Variants in ATF6 observed in about 807,000 individuals in gnomAD.
ATF6 encodes the protein activating transcription factor 6, also known as cyclic AMP-dependent transcription factor ATF-6 alpha.
Under a neutral mutation model 83.6 loss-of-function variants are expected in ATF6, and 53 were observed. The observed-to-expected ratio is 0.63, with a 90% CI of 0.51 to 0.80. The LOEUF (loss-of-function observed/expected upper bound fraction) is 0.80, where lower values mean the gene tolerates loss of function less well. Among genes scored for constraint, ATF6 ranks in the 30% least tolerant of loss-of-function variants. The pLI, the probability that ATF6 is intolerant of heterozygous loss-of-function variation, is 0.00. For missense variants in ATF6, 744 were observed against 797.9 expected (o/e 0.93, Z 0.81); for synonymous variants, 288 against 285.8 (o/e 1.01, Z -0.08).
intron 14 of ATF6, among the ~76,000 whole-genome samples, chr1:161,903,672 T>A (rs958194517): frequency 2.0e-5 from 3 of 152,124 alleles, no homozygotes; most frequent in Non-Finnish European, 4.4e-5. Flanking sequence ...TTATAAACAA[T>A]CGGTGCAATA....
At chr1:161,930,402 T>A (rs1031901015) in intron 15 of ATF6, among the ~76,000 whole-genome samples, 3 of 152,256 alleles carry the variant, frequency 2.0e-5, no homozygotes, top group Non-Finnish European at 2.9e-5. Context: ...TTCAGTGATC[T>A]ATTTTTTAGA....
chr1:161,768,682 G>A (rs1237597716), intron 1 of ATF6, among the ~76,000 whole-genome samples: 1 of 152,088 alleles, frequency 6.6e-6, no homozygotes. Flanking sequence ...TTCCATCTGA[G>A]CCTCCTGAGT....
chr1:161,842,502 G>GTA (rs10645413), intron 9 of ATF6, among the ~76,000 whole-genome samples: 21,491 of 151,974 alleles, frequency 0.14, 2,075 homozygotes, highest in East Asian at 0.31. Flanking sequence ...AGAAACTGTG[G>GTA]TATATATATA....
At chr1:161,781,334 A>T (rs1684631428) in intron 2 of ATF6, among the ~76,000 whole-genome samples, 1 of 152,154 alleles carries the variant, frequency 6.6e-6, no homozygotes, top group Non-Finnish European at 1.5e-5. Flanking sequence ...GATTCATAAA[A>T]GTTTTAGAAA....
At chr1:161,922,809 T>TA (rs1030550491) in intron 15 of ATF6, among the ~76,000 whole-genome samples, 1 of 151,990 alleles carries the variant, frequency 6.6e-6, no homozygotes, top group African/African-American at 2.4e-5. Flanking sequence ...GAAGGAATGA[T>TA]ACGAGATCAG....
At chr1:161,828,582 A>G (rs1036036860) in intron 9 of ATF6, among the ~76,000 whole-genome samples, 1 of 152,192 alleles carries the variant, frequency 6.6e-6, no homozygotes, top group African/African-American at 2.4e-5. Flanking sequence ...TTGCCAAAAG[A>G]GGGGAACAAA....
At chr1:161,886,845 A>T (rs1687432213) in intron 14 of ATF6, among the ~76,000 whole-genome samples, 1 of 152,254 alleles carries the variant, frequency 6.6e-6, no homozygotes, top group Non-Finnish European at 1.5e-5. Context: ...ACTTAACCAC[A>T]GTCCTGTATT....
In ATF6 at chr1:161,846,599, A is replaced by G. The variant is rs767426590; in HGVS notation, c.1319+19A>G. ...GCTACAGGTAAGATGGCATGCATCT[A>G]TCTTTTGGCCTAAGTGATTTAATGA... On this transcript the variant is annotated intron_variant, in intron 10 of 15. Transcript: ENST00000367942. 5.0e-6 allele frequency: 8 copies of G among 1,588,112 alleles called. No homozygotes were observed. Among genetic ancestry groups the G allele is most frequent in the Admixed American group, 1.8e-5 (1 of 56,208 alleles).
rs1392489056 is a variant in ATF6, at chr1:161,860,315, A to G, written c.1604+38A>G. ...AGAAGCTCTTGGCCAAGGAATTTAA[A>G]ATAGCTGGTATTTTAAGAAAGTTGA... On this transcript the variant is annotated intron_variant, in intron 13 of 15. Transcript: ENST00000367942. The G allele has an allele frequency of 6.3e-6, 9 of 1,430,182 alleles. No individual in the cohort carries two copies. In the Admixed American group the frequency reaches 1.4e-4, roughly 22 times the overall value. 88.6% of individuals were successfully genotyped at this position (1,430,182 alleles called of 1,614,324 possible). A position where few individuals can be genotyped will look rare whatever the true frequency, so the allele number is the denominator to read the frequency against.
intron 14 of ATF6, 71 bp from the exon 15 acceptor site, chr1:161,912,225 G>A: frequency 1.1e-6 from 1 of 938,738 alleles, no homozygotes; most frequent in South Asian, 2.0e-5. Context: ...CCTCTTAGAA[G>A]CCCTGAATTT....
At chr1:161,861,813 T>A (rs1047624071) in intron 13 of ATF6, among the ~76,000 whole-genome samples, 5 of 152,178 alleles carry the variant, frequency 3.3e-5, no homozygotes, top group African/African-American at 1.2e-4. Flanking sequence ...TTTTTCATAT[T>A]TTTGTGCTTT....
At chr1:161,880,579 A>C (rs1449495496) in intron 14 of ATF6, among the ~76,000 whole-genome samples, 4 of 152,150 alleles carry the variant, frequency 2.6e-5, no homozygotes, top group African/African-American at 9.7e-5. Flanking sequence ...TTTTGAGATT[A>C]ATCCATGGTG....
At chr1:161,942,130 C>A (rs1181427982) in intron 15 of ATF6, among the ~76,000 whole-genome samples, 1 of 152,198 alleles carries the variant, frequency 6.6e-6, no homozygotes, top group African/African-American at 2.4e-5. Context: ...CTTAATCACA[C>A]TTGTATTAAC....
In ATF6 at chr1:161,960,252, C is replaced by G. The variant is rs1689071887; in HGVS notation, c.*1598C>G. On this transcript the variant is annotated 3_prime_UTR_variant, in exon 16 of 16. Transcript: ENST00000367942. ...GTTTCTAAAGTGAGTCTTCCTCCCT[C>G]TCCTACAAAACTTTTCAATTTTTTG... 1.3e-5 allele frequency: 2 copies of G among 152,240 alleles called. No homozygotes were observed. Among genetic ancestry groups the G allele is most frequent in the South Asian group, 2.1e-4 (1 of 4,836 alleles). The allele number at this position is 152,240 out of a possible 1,614,324, so 9.4% of individuals were successfully genotyped here.
chr1:161,910,193 A>G (rs1687962160), intron 14 of ATF6, among the ~76,000 whole-genome samples: 2 of 152,200 alleles, frequency 1.3e-5, no homozygotes. Flanking sequence ...GATAAGATAG[A>G]TAAAATGTAT....
intron 15 of ATF6, among the ~76,000 whole-genome samples, chr1:161,956,450 T>G (rs1231859449): frequency 6.6e-6 from 1 of 152,238 alleles, no homozygotes; most frequent in Non-Finnish European, 1.5e-5. Context: ...ATTTCTTTCT[T>G]TCATCTCCTA....
At chr1:161,900,846 G>A (rs1258489951) in intron 14 of ATF6, among the ~76,000 whole-genome samples, 4 of 151,978 alleles carry the variant, frequency 2.6e-5, no homozygotes, top group Non-Finnish European at 4.4e-5. Context: ...AGATAATTAA[G>A]CAATGCTGTG....
chr1:161,814,180 G>A (rs900756282), intron 7 of ATF6, among the ~76,000 whole-genome samples: 13 of 152,126 alleles, frequency 8.5e-5, no homozygotes, highest in Admixed American at 7.9e-4. Context: ...CACCGCGCCC[G>A]GCCTCCATCA....
At chr1:161,776,170 AC>A (rs1178907583) in intron 1 of ATF6, among the ~76,000 whole-genome samples, 1 of 152,174 alleles carries the variant, frequency 6.6e-6, no homozygotes, top group Non-Finnish European at 1.5e-5. Flanking sequence ...CTGAAGAGAA[AC>A]CAGAGCATTC....
Sources: gnomAD v4.1 joint callset for allele counts (sites outside exome capture counted in the v4.1 genomes callset) on GRCh38, gnomAD v4.1.1 for gene constraint, MANE v1.5 for transcripts, NCBI Gene and HGNC (gene_info 2026-07-23, HGNC 2026-07-21) for gene names.